SAMD3: variants seen among roughly 807,000 people sequenced by gnomAD.
SAMD3 encodes sterile alpha motif domain-containing protein 3.
SAMD3 carries 63 observed loss-of-function variants against 58.5 expected under a neutral mutation model. That is an observed-to-expected ratio of 1.08 (90% confidence interval 0.88 to 1.33). The LOEUF (loss-of-function observed/expected upper bound fraction) is 1.33. SAMD3 is among the 40% of genes most tolerant of loss of function. The pLI is 0.00. For synonymous variants in SAMD3, 220 were observed against 210.3 expected, an observed-to-expected ratio of 1.05 and a Z score of -0.40; for missense variants, 604 against 608.4, an observed-to-expected ratio of 0.99 and a Z score of 0.08.
intron 1 of SAMD3, among the ~76,000 whole-genome samples, chr6:130,221,128 A>G (rs772119884): frequency 1.1e-4 from 16 of 152,218 alleles, no homozygotes; most frequent in Non-Finnish European, 1.5e-4. Context: ...TGCTGGGATT[A>G]CAGGCATGAG....
rs530551103 is a variant in SAMD3 at position 130,188,639 on chromosome 6, C to A, written c.384-4016G>T. Among the ~76,000 whole-genome samples, 81 of 152,298 alleles carry A rather than the reference C, an allele frequency of 5.3e-4. No individual in the cohort carries two copies. In the South Asian group the frequency reaches 0.016, roughly 30 times the overall value. ...CCTCAATCTCTTCCCAATCACCTCA[C>A]CGGGACTGCTTCCTCTAAAGTCAAT... On this transcript the variant is annotated intron_variant, in intron 5 of 11. Transcript: ENST00000439090.
intron 5 of SAMD3, among the ~76,000 whole-genome samples, chr6:130,193,633 C>T (rs1284453035): frequency 6.6e-6 from 1 of 152,094 alleles, no homozygotes; most frequent in Non-Finnish European, 1.5e-5. Context: ...TTAGCCTGTG[C>T]TCTCAAGAAC....
chr6:130,240,235 A>G (rs1256723493), intron 2 of SAMD3, among the ~76,000 whole-genome samples: 1 of 152,172 alleles, frequency 6.6e-6, no homozygotes, highest in Admixed American at 6.6e-5. Flanking sequence ...AACCCATACC[A>G]TAAGATGCTG....
intron 2 of SAMD3, among the ~76,000 whole-genome samples, chr6:130,256,731 T>TA (rs1211945801): frequency 6.6e-6 from 1 of 152,194 alleles, no homozygotes; most frequent in Non-Finnish European, 1.5e-5. Flanking sequence ...AGAATTGACA[T>TA]AAAAAATAAA....
chr6:130,209,901 G>A (rs76527964), intron 4 of SAMD3, among the ~76,000 whole-genome samples: 1 of 152,168 alleles, frequency 6.6e-6, no homozygotes. Context: ...TGAAATGATG[G>A]TGATCGTAGA....
chr6:130,298,543 T>G (rs961963365), intron 2 of SAMD3, among the ~76,000 whole-genome samples: 1 of 152,112 alleles, frequency 6.6e-6, no homozygotes, highest in Non-Finnish European at 1.5e-5. Flanking sequence ...CTCTGGGACA[T>G]AACGAAAGCA....
At chr6:130,185,482 C>G (rs1792851785) in intron 5 of SAMD3, among the ~76,000 whole-genome samples, 1 of 152,086 alleles carries the variant, frequency 6.6e-6, no homozygotes, top group Non-Finnish European at 1.5e-5. Flanking sequence ...GCATGTGCCA[C>G]CACACCTGGC....
At chr6:130,290,649 G>A (rs1278272945) in intron 2 of SAMD3, among the ~76,000 whole-genome samples, 2 of 152,110 alleles carry the variant, frequency 1.3e-5, no homozygotes. Context: ...CTACCTTTGG[G>A]AGCTAAGAGT....
At chr6:130,215,776 C>A (rs1795971851) in intron 2 of SAMD3, 2 of 1,527,612 alleles carry the variant, frequency 1.3e-6, no homozygotes, top group Non-Finnish European at 1.8e-6. Context: ...AACTGGTTAA[C>A]CCCTTAGTAG....
At chr6:130,278,428 CT>C (rs1774860818) in intron 2 of SAMD3, among the ~76,000 whole-genome samples, 1 of 152,216 alleles carries the variant, frequency 6.6e-6, no homozygotes, top group Non-Finnish European at 1.5e-5. Context: ...TAAAACAGCT[CT>C]GTCTAGGCAG....
chr6:130,164,859 C>A (rs1315378553), intron 8 of SAMD3, among the ~76,000 whole-genome samples: 3 of 152,116 alleles, frequency 2.0e-5, no homozygotes, highest in Admixed American at 2.0e-4. Flanking sequence ...GAAGGACAAT[C>A]CTGCTGATTG....
chr6:130,190,062 G>T (rs75574735), intron 5 of SAMD3, among the ~76,000 whole-genome samples: 3,970 of 152,274 alleles, frequency 0.026, 62 homozygotes, highest in African/African-American at 0.033. Context: ...GAGCTAATGA[G>T]GGAAAACTCC....
chr6:130,317,960 G>C (rs1005202073), intron 1 of SAMD3, among the ~76,000 whole-genome samples: 2 of 152,220 alleles, frequency 1.3e-5, no homozygotes, highest in Non-Finnish European at 2.9e-5. Flanking sequence ...AGAGGCCACA[G>C]AGTAGAATGC....
intron 1 of SAMD3, among the ~76,000 whole-genome samples, chr6:130,320,221 T>C (rs1379654703): frequency 6.6e-6 from 1 of 151,970 alleles, no homozygotes; most frequent in Non-Finnish European, 1.5e-5. Context: ...CTCTTTCCTC[T>C]TCAAAAAAAG....
chr6:130,202,116 A>G (rs897987100), intron 5 of SAMD3, among the ~76,000 whole-genome samples: 2 of 152,228 alleles, frequency 1.3e-5, no homozygotes, highest in African/African-American at 2.4e-5. Flanking sequence ...GGACCTCTCT[A>G]AAGACTTAAT....
chr6:130,245,844 C>T (rs1448486735), intron 2 of SAMD3, among the ~76,000 whole-genome samples: 1 of 152,026 alleles, frequency 6.6e-6, no homozygotes, highest in Non-Finnish European at 1.5e-5. Context: ...TGTACTGCAA[C>T]ATTTTTTTTT....
At chr6:130,152,046 G>C (rs1483528820) in intron 9 of SAMD3, among the ~76,000 whole-genome samples, 1 of 152,086 alleles carries the variant, frequency 6.6e-6, no homozygotes, top group Non-Finnish European at 1.5e-5. Context: ...AAAGTTTTTT[G>C]AGGAAGGAGG....
chr6:130,196,294 T>C (rs1794103281), intron 5 of SAMD3, among the ~76,000 whole-genome samples: 1 of 152,196 alleles, frequency 6.6e-6, no homozygotes, highest in Non-Finnish European at 1.5e-5. Context: ...CTGATTCATA[T>C]ACTTTCTGCT....
intron 2 of SAMD3, among the ~76,000 whole-genome samples, chr6:130,258,835 C>A (rs965179993): frequency 1.3e-5 from 2 of 152,030 alleles, no homozygotes; most frequent in East Asian, 1.9e-4. Context: ...TTTTGATTAT[C>A]ATTTAGTTCA....
Sources: allele counts gnomAD v4.1 joint callset (sites outside exome capture counted in the v4.1 genomes callset), GRCh38; gene constraint gnomAD v4.1.1; transcripts MANE v1.5; gene names NCBI Gene and HGNC (gene_info 2026-07-23, HGNC 2026-07-21).